The following CHST15 variants were observed in gnomAD, a reference collection of about 807,000 sequenced individuals.
CHST15 encodes the protein carbohydrate sulfotransferase 15.
In CHST15, 30 loss-of-function variants were observed where a neutral mutation model predicts 53.6. The ratio of observed to expected loss-of-function variants is 0.56; its 90% CI spans 0.42 to 0.76. The LOEUF is 0.76. Ranked by LOEUF, CHST15 falls within the 30% of genes least tolerant of loss-of-function variation. CHST15 has a pLI of 0.00. For missense variants in CHST15, 627 were observed against 740.5 expected (o/e 0.85, Z 1.78); for synonymous variants, 296 against 289.8 (o/e 1.02, Z -0.22).
chr10:124,091,569 T>C (rs1364170626), intron 1 of CHST15, among the ~76,000 whole-genome samples: 1 of 152,190 alleles, frequency 6.6e-6, no homozygotes, highest in East Asian at 1.9e-4. Flanking sequence ...GGGGCACTGC[T>C]AGGGCGCCCA....
At chr10:124,035,057 C>A (rs1427857140) in intron 5 of CHST15, among the ~76,000 whole-genome samples, 12 of 141,232 alleles carry the variant, frequency 8.5e-5, no homozygotes, top group African/African-American at 3.0e-4. Context: ...CTGATAGGTA[C>A]CCCGGCTCCA....
At chr10:124,086,020 G>C (rs774488606) in intron 1 of CHST15, among the ~76,000 whole-genome samples, 1 of 152,208 alleles carries the variant, frequency 6.6e-6, no homozygotes, top group African/African-American at 2.4e-5. Context: ...GACCAAGAGA[G>C]AGGAGGCAGA....
rs1050844490 is a variant in CHST15 at position 124,036,106 on chromosome 10, A to G, written c.1190+2409T>C. ...CGACAGGAAAACATTTGATGAGCAC[A>G]CCGAGCACTTGCGCCCTTCAGCTGG... On this transcript the variant is annotated intron_variant, in intron 5 of 7. Coordinates refer to ENST00000435907, the MANE Select transcript of CHST15 (RefSeq NM_001270764.2). This position sits in a 1 kb window ranked among gnomAD's most constrained non-coding sequence, Gnocchi z 5.1. 3.3e-5 allele frequency among the ~76,000 whole-genome samples: 5 copies of G among 152,228 alleles called. No homozygotes were observed. Among genetic ancestry groups the G allele is most frequent in the African/African-American group, 9.6e-5 (4 of 41,460 alleles).
chr10:124,024,335 G>A lies in CHST15; in HGVS notation c.1191-2923C>T, dbSNP rs1946909546. Among the ~76,000 whole-genome samples, 1 of 152,182 alleles carries A rather than the reference G, an allele frequency of 6.6e-6. No homozygotes were observed. Among genetic ancestry groups the A allele is most frequent in the Non-Finnish European group, 1.5e-5 (1 of 68,030 alleles). On this transcript the variant is annotated intron_variant, in intron 5 of 7. Coordinates refer to ENST00000435907, the MANE Select transcript of CHST15 (RefSeq NM_001270764.2). The surrounding 1 kb of genome is among the most constrained non-coding windows in gnomAD (Gnocchi z 4.0). Reference sequence around the variant, plus strand: ...GCTATCCACCTCCGTAGCCCACCTTGGCACATCGGGTGCCTCTGACACAGC... The same window carrying A: ...GCTATCCACCTCCGTAGCCCACCTTAGCACATCGGGTGCCTCTGACACAGC...
At position 124,073,389 on chromosome 10, in the gene CHST15, A is replaced by G. The variant is rs1246181903; in HGVS notation, c.-513+20080T>C. Among the ~76,000 whole-genome samples the G allele has an allele frequency of 2.0e-5, 3 of 152,330 alleles. No homozygotes were observed. The East Asian group carries it at 5.8e-4, about 29-fold the overall frequency. The stretch of plus-strand genomic sequence containing the variant: ...AAACCCAGGCCGCGGAAGTCAGGAT[A>G]GCAATTTCCCTTGCATGGGTGCTGA... On this transcript the variant is annotated intron_variant, in intron 1 of 7. Coordinates refer to ENST00000435907, the MANE Select transcript of CHST15 (RefSeq NM_001270764.2).
intron 1 of CHST15, among the ~76,000 whole-genome samples, chr10:124,083,742 C>T (rs1429750543): frequency 2.6e-5 from 4 of 152,314 alleles, no homozygotes; most frequent in East Asian, 3.9e-4. Context: ...GCAAGTTCAG[C>T]GTGTCCTAAA....
At chr10:124,021,479 T>C (rs935401981) in intron 5 of CHST15, 67 bp from the exon 6 acceptor site, 1 of 1,552,126 alleles carries the variant, frequency 6.4e-7, no homozygotes, top group Non-Finnish European at 8.7e-7. Flanking sequence ...TGGGCGACAA[T>C]GAAAATCAGT....
At chr10:124,029,313 G>A (rs1211122967) in intron 5 of CHST15, among the ~76,000 whole-genome samples, 2 of 152,198 alleles carry the variant, frequency 1.3e-5, no homozygotes, top group Non-Finnish European at 2.9e-5. Flanking sequence ...AATGTCCAAG[G>A]TCACCTTAGA....
At chr10:124,058,038 T>G (rs1179066788) in intron 1 of CHST15, among the ~76,000 whole-genome samples, 1 of 152,232 alleles carries the variant, frequency 6.6e-6, no homozygotes, top group South Asian at 2.1e-4. Flanking sequence ...AATAATTTTT[T>G]CTGAAACCAA....
intron 1 of CHST15, among the ~76,000 whole-genome samples, chr10:124,053,498 CTT>C (rs373231674): frequency 2.1e-5 from 3 of 146,172 alleles, no homozygotes; most frequent in African/African-American, 2.5e-5. Flanking sequence ...TTTTTCTTTT[CTT>C]TTTTTTTTTT....
chr10:124,021,125 T>G, intron 6 of CHST15, 131 bp downstream of exon 6: 4 of 1,523,332 alleles, frequency 2.6e-6, no homozygotes, highest in Non-Finnish European at 3.5e-6. Context: ...GGAACAGCAT[T>G]TGCACATTAA....
chr10:124,040,978 A>G (rs1405499969), intron 4 of CHST15, among the ~76,000 whole-genome samples: 1 of 152,174 alleles, frequency 6.6e-6, no homozygotes. Context: ...AGAACATGTG[A>G]TTTTCCCAGA....
intron 1 of CHST15, among the ~76,000 whole-genome samples, chr10:124,062,178 G>A (rs1948597218): frequency 6.6e-6 from 1 of 152,054 alleles, no homozygotes; most frequent in Non-Finnish European, 1.5e-5. Flanking sequence ...CACACGCACA[G>A]ACCAAAGGAA....
At chr10:124,048,119 T>C (rs1948065731) in intron 1 of CHST15, among the ~76,000 whole-genome samples, 1 of 152,232 alleles carries the variant, frequency 6.6e-6, no homozygotes, top group African/African-American at 2.4e-5. Context: ...AGCCAAGCTG[T>C]GTTTCCCAAA....
chr10:124,010,544 T>C, intron 7 of CHST15: 1 of 985,446 alleles, frequency 1.0e-6, no homozygotes, highest in Non-Finnish European at 1.2e-6. Context: ...TGCGAAGAAA[T>C]TCTGCGGCGG....
chr10:124,024,539 G>T lies in CHST15; in HGVS notation c.1191-3127C>A, dbSNP rs1369780802. ...GAGACAGTCAGCAAAGGGGCTCGGT[G>T]GCCACTGAGTAGATTTCCCCAGATC... On this transcript the variant is annotated intron_variant, in intron 5 of 7. Transcript: ENST00000435907. The surrounding 1 kb of genome is among the most constrained non-coding windows in gnomAD (Gnocchi z 4.0). Among the ~76,000 whole-genome samples the T allele has an allele frequency of 6.6e-6, 1 of 151,384 alleles. No homozygotes were observed. Among genetic ancestry groups the T allele is most frequent in the Non-Finnish European group, 1.5e-5 (1 of 67,818 alleles).
At chr10:124,059,189 G>T (rs4073485) in intron 1 of CHST15, among the ~76,000 whole-genome samples, 6,072 of 152,248 alleles carry the variant, frequency 0.04, 358 homozygotes, top group East Asian at 0.21. Context: ...GCTCAGCATT[G>T]TTCCATGGGT....
chr10:124,034,138 T>C (rs1379338900), intron 5 of CHST15, among the ~76,000 whole-genome samples: 1 of 152,216 alleles, frequency 6.6e-6, no homozygotes, highest in Non-Finnish European at 1.5e-5. Context: ...AGGGCACGTA[T>C]GCTCAGTGCC....
At chr10:124,076,387 T>A (rs1949071622) in intron 1 of CHST15, among the ~76,000 whole-genome samples, 1 of 152,198 alleles carries the variant, frequency 6.6e-6, no homozygotes, top group Admixed American at 6.5e-5. Flanking sequence ...GAAAGTCACA[T>A]GAAATTTCCC....
Sources: gnomAD v4.1 joint callset for allele counts (sites outside exome capture counted in the v4.1 genomes callset) on GRCh38, gnomAD v4.1.1 for gene constraint, Gnocchi (gnomAD v3.1) non-coding constraint, MANE v1.5 for transcripts, NCBI Gene and HGNC (gene_info 2026-07-23, HGNC 2026-07-21) for gene names.